KMT2C: variants seen among roughly 807,000 people sequenced by gnomAD.
KMT2C encodes the protein histone-lysine N-methyltransferase 2C.
In KMT2C, 88 loss-of-function variants were observed where a neutral mutation model predicts 507.9. That is an observed-to-expected ratio of 0.17 (90% CI 0.15 to 0.21). KMT2C has a LOEUF of 0.21. Among genes scored for constraint, KMT2C ranks in the 10% least tolerant of loss-of-function variants. KMT2C has a pLI of 1.00. For missense variants in KMT2C, 4,954 were observed against 5,957.8 expected (o/e 0.83, Z 5.55); for synonymous variants, 2,049 against 2,080.8 (o/e 0.98, Z 0.42).
At chr7:152,201,927 C>T (rs751370883) in intron 26 of KMT2C, among the ~76,000 whole-genome samples, 6 of 152,024 alleles carry the variant, frequency 3.9e-5, no homozygotes, top group Admixed American at 2.0e-4. Flanking sequence ...GTGTTTAAAT[C>T]CTGACTTTAT....
intron 1 of KMT2C, among the ~76,000 whole-genome samples, chr7:152,401,677 C>A (rs1486211069): frequency 2.0e-5 from 3 of 151,938 alleles, no homozygotes; most frequent in South Asian, 2.1e-4. Context: ...GGCAACAGAG[C>A]AAGACTGTCT....
At chr7:152,296,576 T>C (rs2096498616) in intron 6 of KMT2C, among the ~76,000 whole-genome samples, 1 of 151,912 alleles carries the variant, frequency 6.6e-6, no homozygotes, top group Non-Finnish European at 1.5e-5. Flanking sequence ...GAGAGTACAA[T>C]GCTTAGAGGT....
In KMT2C at chr7:152,358,567, A is replaced by C. The variant is rs183551704; in HGVS notation, c.250+20T>G. 5 of 1,463,596 alleles carry C rather than the reference A, an allele frequency of 3.4e-6. No individual in the cohort carries two copies. The Admixed American group carries it at 8.4e-5, about 25-fold the overall frequency. The allele number at this position is 1,463,596 out of a possible 1,614,324, so 90.7% of individuals were successfully genotyped here. On this transcript the variant is annotated intron_variant, in intron 2 of 58. Transcript: ENST00000262189. Reference sequence around the variant, plus strand: ...GCAAAGCATCATTATACATTCTTATAAATTCTTGAGTTCTGATACCTGTTT... The same window carrying C: ...GCAAAGCATCATTATACATTCTTATCAATTCTTGAGTTCTGATACCTGTTT...
Position 152,139,746 on chromosome 7 carries a change from C to T in KMT2C, c.14389G>A (p.Val4797Ile), listed in dbSNP as rs2129089890. The T allele has an allele frequency of 1.2e-6, 2 of 1,614,060 alleles. No homozygotes were observed. The highest frequency in any genetic ancestry group is 1.6e-4 in the Middle Eastern group (1 of 6,062). Reference sequence around the variant, plus strand: ...ATGATAGTCCCGATGTACTCAATGACCATGGTGTGTTTCTCAATGTCTCGA... The same window carrying T: ...ATGATAGTCCCGATGTACTCAATGATCATGGTGTGTTTCTCAATGTCTCGA... ...AARDIEKHTM[V>I]IEYIGTIIRN... Residue 4797 changes from valine (V) to isoleucine (I), a missense_variant, in exon 56 of 59, where the codon GTC becomes ATC. Transcript: ENST00000262189.
chr7:152,302,696 C>T (rs2096580382), intron 6 of KMT2C, among the ~76,000 whole-genome samples: 1 of 152,012 alleles, frequency 6.6e-6, no homozygotes, highest in African/African-American at 2.4e-5. Flanking sequence ...GGATGGAGTG[C>T]AGTGGCGAAA....
At chr7:152,367,746 T>TA (rs1397396710) in intron 1 of KMT2C, 1 of 1,082,420 alleles carries the variant, frequency 9.2e-7, no homozygotes, top group Non-Finnish European at 1.4e-6. Context: ...TCTTATCGAT[T>TA]ACATTGATAG....
chr7:152,321,554 A>G (rs1228862674), intron 3 of KMT2C, among the ~76,000 whole-genome samples: 1 of 151,940 alleles, frequency 6.6e-6, no homozygotes, highest in Non-Finnish European at 1.5e-5. Context: ...GTTAGAACTA[A>G]TAAACAAATT....
At chr7:152,254,868 T>C (rs888593622) in intron 9 of KMT2C, among the ~76,000 whole-genome samples, 3 of 151,794 alleles carry the variant, frequency 2.0e-5, no homozygotes, top group Admixed American at 6.6e-5. Context: ...GATATAAAAT[T>C]AGCATGCAAA....
intron 16 of KMT2C, 41 bp downstream of exon 16, chr7:152,235,776 G>A (rs201381539): frequency 8.7e-6 from 11 of 1,258,134 alleles, no homozygotes; most frequent in African/African-American, 3.0e-5. Context: ...ATCATTAACT[G>A]ACATTTAGAT....
In KMT2C at chr7:152,348,599, TAAA is replaced by T. The variant is rs201530125; in HGVS notation, c.250+9985_250+9987del. 3.6e-3 allele frequency among the ~76,000 whole-genome samples: 174 copies of T among 48,984 alleles called. 1 individual carries two copies. The highest frequency in any genetic ancestry group is 0.01 in the African/African-American group (168 of 16,580). 32.1% of individuals were successfully genotyped at this position (48,984 alleles called of 152,430 possible). Reference sequence around the variant, plus strand: ...GGGCAACAAAAGCAAAACTCTGTCTTAAAAAAAAAAAAAAAAAAAAAAAAAGAA... The same window carrying T: ...GGGCAACAAAAGCAAAACTCTGTCTTAAAAAAAAAAAAAAAAAAAAAAGAA... On this transcript the variant is annotated intron_variant, in intron 2 of 58. Coordinates refer to ENST00000262189, the MANE Select transcript of KMT2C (RefSeq NM_170606.3).
rs1252490950 is a variant in KMT2C, at chr7:152,181,975, G to A, written c.5885C>T (p.Pro1962Leu). 1 of 1,614,120 alleles carries A rather than the reference G, an allele frequency of 6.2e-7. No homozygotes were observed. Among genetic ancestry groups the A allele is most frequent in the Admixed American group, 1.7e-5 (1 of 60,022 alleles). Residue 1962 changes from proline to leucine, a missense_variant, in exon 36 of 59, where the codon CCC (proline) becomes CTC (leucine). Around this residue, in one of 29 missense-constraint regions of KMT2C, gnomAD observed 1,689 missense variants for 1,654.3 expected, o/e 1.02. Transcript: ENST00000262189. ...AGGTGTGTCTGGAGGTTTTGCATAG[G>A]GGTCATTATTTGTCGTGGAAGAAGA... ...LCSSSTTNND[P>L]YAKPPDTPRP...
chr7:152,416,360 A>T (rs111440606), intron 1 of KMT2C, among the ~76,000 whole-genome samples: 1 of 152,236 alleles, frequency 6.6e-6, no homozygotes, highest in Non-Finnish European at 1.5e-5. Context: ...CCTAGCTAAC[A>T]CGGTGAAACC....
chr7:152,162,796 G>T lies in KMT2C; in HGVS notation c.10781C>A (p.Ser3594Tyr). The change falls in exon 43 of 59, where the codon TCT becomes TAT. Residue 3594 changes from serine (S) to tyrosine (Y), a missense_variant. By Grantham distance (144) the Ser-to-Tyr change is moderately radical. Transcript: ENST00000262189. ...GSTQSLIQLY[S>Y]DIIPEEKGKK... ...CCCTTTTTCCTCTGGGATTATATCA[G>T]AATACAACTGAATGAGCGATTGGGT... is the stretch of plus-strand genomic sequence containing the variant. 6.2e-7 allele frequency: 1 copy of T among 1,614,110 alleles called. No individual in the cohort carries two copies.
At chr7:152,273,941 A>G (rs902101731) in intron 6 of KMT2C, 74 bp from the exon 7 acceptor site, 81 of 1,523,962 alleles carry the variant, frequency 5.3e-5, no homozygotes, top group Non-Finnish European at 6.9e-5. Flanking sequence ...CTGGGAAGGT[A>G]TAAAAAACTC....
intron 23 of KMT2C, among the ~76,000 whole-genome samples, chr7:152,211,820 G>A (rs1312352277): frequency 6.6e-5 from 10 of 151,904 alleles, no homozygotes; most frequent in Non-Finnish European, 8.8e-5. Flanking sequence ...AGGCTGAGGC[G>A]GGCGGATCAC....
intron 16 of KMT2C, among the ~76,000 whole-genome samples, chr7:152,235,207 G>GTATGTGTATATATATATATATA (rs950086494): frequency 1.4e-5 from 2 of 142,424 alleles, no homozygotes; most frequent in African/African-American, 5.5e-5. Flanking sequence ...TTTCAAGGGT[G>GTATGTGTATATATATATATATA]TATATATATA....
chr7:152,159,637 A>G (rs2092325312), intron 43 of KMT2C, among the ~76,000 whole-genome samples: 1 of 152,236 alleles, frequency 6.6e-6, no homozygotes, highest in Non-Finnish European at 1.5e-5. Flanking sequence ...TTTGACTGAA[A>G]AATAATGGCC....
rs1253982721 is a variant in KMT2C at position 152,215,569 on chromosome 7, CAG to C, written c.3712+4952_3712+4953del. 2.8e-5 allele frequency among the ~76,000 whole-genome samples: 3 copies of C among 109,028 alleles called. No individual in the cohort carries two copies. In the East Asian group the frequency reaches 7.8e-4, roughly 28 times the overall value. The allele number at this position is 109,028 out of a possible 152,430, so 71.5% of individuals were successfully genotyped here. ...TGAAAGAAACCCAAAGGTCTATCAA[CAG>C]GGGAAAGAACAGGTAAGTTAAATTG... On this transcript the variant is annotated intron_variant, in intron 23 of 58. Transcript: ENST00000262189.
At chr7:152,263,979 T>C (rs1328948530) in intron 8 of KMT2C, among the ~76,000 whole-genome samples, 1 of 152,184 alleles carries the variant, frequency 6.6e-6, no homozygotes, top group Admixed American at 6.5e-5. Context: ...AACAGGAAGA[T>C]GGGTCAGTTA....
Sources: gnomAD v4.1 joint callset for allele counts (sites outside exome capture counted in the v4.1 genomes callset) on GRCh38, gnomAD v4.1.1 for gene constraint, gnomAD v4.1.1 regional missense constraint, MANE v1.5 for transcripts, NCBI Gene and HGNC (gene_info 2026-07-23, HGNC 2026-07-21) for gene names.